HIBCH: variants seen among roughly 807,000 people sequenced by gnomAD.
HIBCH encodes 3-hydroxyisobutyryl-CoA hydrolase, also known as 3-hydroxyisobutyryl-CoA hydrolase, mitochondrial.
HIBCH carries 50 observed loss-of-function variants against 58.2 expected under a neutral mutation model. The ratio of observed to expected loss-of-function variants is 0.86; its 90% CI spans 0.68 to 1.09. The LOEUF is 1.09. Among genes scored for constraint, HIBCH ranks in the 50% least tolerant of loss-of-function variants. The probability of loss-of-function intolerance (pLI) is 0.00; values close to 1 mark genes in which losing one functional copy is unlikely to be tolerated. For missense variants in HIBCH, 450 were observed against 449.7 expected (o/e 1.00, Z -0.01); for synonymous variants, 151 against 146.9 (o/e 1.03, Z -0.20).
chr2:190,242,566 C>A (rs1199489503), intron 11 of HIBCH, among the ~76,000 whole-genome samples: 1 of 152,036 alleles, frequency 6.6e-6, no homozygotes, highest in Non-Finnish European at 1.5e-5. Context: ...GTTTATCTAC[C>A]TTTGAGCTTT....
At chr2:190,250,550 G>A (rs1686733751) in intron 8 of HIBCH, 2 of 271,060 alleles carry the variant, frequency 7.4e-6, no homozygotes, top group Non-Finnish European at 1.5e-5. Flanking sequence ...TTATGCATCA[G>A]CTCTCTCGTA....
In HIBCH at chr2:190,279,283, T is replaced by C. The variant is rs2664246; in HGVS notation, c.438+8303A>G. Among the ~76,000 whole-genome samples, 108,256 of 152,108 alleles carry C rather than the reference T, an allele frequency of 0.71. 39,180 individuals are homozygous for C. Among genetic ancestry groups the C allele is most frequent in the Non-Finnish European group, 0.75 (51,174 of 67,992 alleles). Reference sequence around the variant, plus strand: ...GCCTCACTTCTTAATACTGTTACATTCAGGATTAAGTTTCAACATGAGTTT... The same window carrying C: ...GCCTCACTTCTTAATACTGTTACATCCAGGATTAAGTTTCAACATGAGTTT... On this transcript the variant is annotated intron_variant, in intron 6 of 13. Coordinates refer to ENST00000359678, the MANE Select transcript of HIBCH (RefSeq NM_014362.4). This position sits in a 1 kb window ranked among gnomAD's most constrained non-coding sequence, Gnocchi z 4.2.
chr2:190,191,907 GT>G (rs541553602), intron 1 of HIBCH, among the ~76,000 whole-genome samples: 216 of 147,364 alleles, frequency 1.5e-3, no homozygotes, highest in African/African-American at 5.1e-3. Context: ...TATATTTGCT[GT>G]TTTTTTTTCA....
intron 11 of HIBCH, among the ~76,000 whole-genome samples, chr2:190,228,507 G>A (rs1009562873): frequency 6.6e-6 from 1 of 151,352 alleles, no homozygotes; most frequent in African/African-American, 2.4e-5. Context: ...AAGTAACAAA[G>A]CTACAGGTTG....
intron 5 of HIBCH, among the ~76,000 whole-genome samples, chr2:190,289,258 C>A (rs557850236): frequency 3.8e-4 from 58 of 150,948 alleles, no homozygotes; most frequent in Non-Finnish European, 7.8e-4. Flanking sequence ...CATATATATC[C>A]CCATGTGTTT....
In HIBCH at chr2:190,216,564, A is replaced by G. The variant is rs865804838; in HGVS notation, c.892-3489T>C. On this transcript the variant is annotated intron_variant, in intron 11 of 13. Transcript: ENST00000359678. The surrounding 1 kb of genome is among the most constrained non-coding windows in gnomAD (Gnocchi z 4.2). Reference sequence around the variant, plus strand: ...GTGTGGGGACTGTGGCTAACTGAAGAGGGCACACCCTGTTAAAGGGGCCAC... The same window carrying G: ...GTGTGGGGACTGTGGCTAACTGAAGGGGGCACACCCTGTTAAAGGGGCCAC... Among the ~76,000 whole-genome samples, 3 of 152,282 alleles carry G rather than the reference A, an allele frequency of 2.0e-5. No individual in the cohort carries two copies. The South Asian group carries it at 6.2e-4, about 32-fold the overall frequency.
Position 190,197,946 on chromosome 2 carries a change from A to G in HIBCH, c.*17+7154T>C, listed in dbSNP as rs931284951. On this transcript the variant is annotated intron_variant, in intron 1 of 1. Coordinates refer to the HIBCH transcript ENST00000399855. The surrounding 1 kb of genome is among the most constrained non-coding windows in gnomAD (Gnocchi z 4.0). ...ATTTTTTTCAGGTTAACCATGTCCA[A>G]TTCCCTTAACCATCCCTCACAGTAA... 2.0e-5 allele frequency among the ~76,000 whole-genome samples: 3 copies of G among 152,178 alleles called. No homozygotes were observed. The highest frequency in any genetic ancestry group is 4.4e-5 in the Non-Finnish European group (3 of 68,030).
downstream of HIBCH, chr2:190,199,887 T>C (rs567231575): frequency 2.9e-5 from 47 of 1,613,712 alleles, no homozygotes; most frequent in Non-Finnish European, 3.8e-5. Flanking sequence ...CAAAGCAAAC[T>C]TTCCCATTTC....
intron 3 of HIBCH, among the ~76,000 whole-genome samples, chr2:190,296,394 T>A (rs1688104429): frequency 7.1e-6 from 1 of 141,434 alleles, no homozygotes; most frequent in Non-Finnish European, 1.5e-5. Context: ...CACTCCAGCC[T>A]GGGCGACAGA....
chr2:190,213,016 C>A lies in HIBCH; in HGVS notation c.951G>T (p.Gly317=), dbSNP rs780284663. Residue 317 remains glycine, a synonymous_variant, in exon 12 of 14, where the codon GGG becomes GGT. Coordinates refer to ENST00000359678, the MANE Select transcript of HIBCH (RefSeq NM_014362.4). ...LKITLRQLME[G]SSKTLQEVLT... The stretch of plus-strand genomic sequence containing the variant: ...GTACTTCTTGCAAGGTCTTTGAAGA[C>A]CCCTCCATGAGTTGCCTTAGTGTGA... The A allele has an allele frequency of 2.0e-5, 32 of 1,609,580 alleles. No individual in the cohort carries two copies. The highest frequency in any genetic ancestry group is 2.6e-5 in the Non-Finnish European group (31 of 1,176,346).
In HIBCH at chr2:190,254,065, T is replaced by C. The variant is rs541559407; in HGVS notation, c.518-1758A>G. Among the ~76,000 whole-genome samples the C allele has an allele frequency of 1.3e-5, 2 of 152,222 alleles. No homozygotes were observed. The highest frequency in any genetic ancestry group is 1.5e-5 in the Non-Finnish European group (1 of 68,026). On this transcript the variant is annotated intron_variant, in intron 7 of 13. Transcript: ENST00000359678. The surrounding 1 kb of genome is among the most constrained non-coding windows in gnomAD (Gnocchi z 5.0). ...ATTAGGCTACCTCCTCTTTCCTATA[T>C]ATACATTTTCCTTAACTCCTATGAC...
chr2:190,210,304 C>T lies in HIBCH; in HGVS notation c.1012-1391G>A, dbSNP rs1417896562. ...TCTAACCTCGTCTACACTTTGACAGCGTTCAACACTGTCCATTACACCCTC... is the reference window on the plus strand; with the variant it reads ...TCTAACCTCGTCTACACTTTGACAGTGTTCAACACTGTCCATTACACCCTC... On this transcript the variant is annotated intron_variant, in intron 12 of 13. Transcript: ENST00000359678. This position sits in a 1 kb window ranked among gnomAD's most constrained non-coding sequence, Gnocchi z 5.5. 6.6e-6 allele frequency among the ~76,000 whole-genome samples: 1 copy of T among 152,180 alleles called. No individual in the cohort carries two copies. Among genetic ancestry groups the T allele is most frequent in the Non-Finnish European group, 1.5e-5 (1 of 68,034 alleles).
intron 6 of HIBCH, among the ~76,000 whole-genome samples, chr2:190,268,158 T>G (rs1170689185): frequency 6.6e-6 from 1 of 152,194 alleles, no homozygotes; most frequent in African/African-American, 2.4e-5. Context: ...CATTCTACAA[T>G]TATGGTATGT....
chr2:190,195,466 T>A (rs973273144), intron 1 of HIBCH, among the ~76,000 whole-genome samples: 13 of 152,230 alleles, frequency 8.5e-5, no homozygotes, highest in Non-Finnish European at 1.8e-4. Context: ...CTGTTGCTTT[T>A]GCCATTATCT....
chr2:190,245,002 G>A (rs534285157), intron 10 of HIBCH, 34 bp from the exon 11 acceptor site: 3 of 1,272,358 alleles, frequency 2.4e-6, no homozygotes, highest in South Asian at 2.4e-5. Flanking sequence ...TCACCAATGT[G>A]TAAGTGATTT....
intron 11 of HIBCH, among the ~76,000 whole-genome samples, chr2:190,235,288 C>T (rs941906704): frequency 2.6e-5 from 4 of 152,190 alleles, no homozygotes; most frequent in Admixed American, 6.5e-5. Flanking sequence ...TCTCAAGAAA[C>T]ATTGCACTTG....
intron 6 of HIBCH, among the ~76,000 whole-genome samples, chr2:190,268,595 T>C (rs1265993337): frequency 1.3e-5 from 2 of 152,196 alleles, no homozygotes; most frequent in African/African-American, 4.8e-5. Flanking sequence ...CTGACACAGC[T>C]CTGTTTTTGG....
At chr2:190,240,578 A>G (rs749409037) in intron 11 of HIBCH, among the ~76,000 whole-genome samples, 1 of 152,076 alleles carries the variant, frequency 6.6e-6, no homozygotes, top group African/African-American at 2.4e-5. Flanking sequence ...ACTGTGATGT[A>G]AGGGTGTCAA....
At chr2:190,305,150 A>C (rs1459903911) in intron 2 of HIBCH, among the ~76,000 whole-genome samples, 1 of 152,200 alleles carries the variant, frequency 6.6e-6, no homozygotes, top group Admixed American at 6.5e-5. Flanking sequence ...AAGAGTGATT[A>C]GGTACAGAGG....
Sources: allele counts gnomAD v4.1 joint callset (sites outside exome capture counted in the v4.1 genomes callset), GRCh38; gene constraint gnomAD v4.1.1; non-coding constraint Gnocchi (gnomAD v3.1); transcripts MANE v1.5; gene names NCBI Gene and HGNC (gene_info 2026-07-23, HGNC 2026-07-21).